The following TRAK1 variants were observed in gnomAD, a reference collection of about 807,000 sequenced individuals.
The protein encoded by TRAK1 is trafficking kinesin-binding protein 1.
In TRAK1, 33 loss-of-function variants were observed where a neutral mutation model predicts 92.1. That is an observed-to-expected ratio of 0.36 (90% confidence interval 0.27 to 0.48). The LOEUF (loss-of-function observed/expected upper bound fraction) is 0.48, where lower values mean the gene tolerates loss of function less well. TRAK1 is among the 20% of genes least tolerant of loss of function. The probability of loss-of-function intolerance (pLI) is 0.99; values close to 1 mark genes in which losing one functional copy is unlikely to be tolerated. For synonymous variants in TRAK1, 521 were observed against 517.3 expected (o/e 1.01, Z -0.10); for missense variants, 1,123 against 1,257.9 (o/e 0.89, Z 1.62).
chr3:42,084,303 A>G (rs1704570279), upstream of TRAK1, among the ~76,000 whole-genome samples: 1 of 152,174 alleles, frequency 6.6e-6, no homozygotes, highest in African/African-American at 2.4e-5. Flanking sequence ...TAGACATACA[A>G]AGAAAGTGTA....
At chr3:42,043,395 C>G (rs1702626802) in intron 1 of TRAK1, among the ~76,000 whole-genome samples, 1 of 151,932 alleles carries the variant, frequency 6.6e-6, no homozygotes, top group African/African-American at 2.4e-5. Context: ...TCCTCCTTGT[C>G]TCTTTGCCTT....
At chr3:42,134,521 C>T (rs2149186291) in intron 2 of TRAK1, among the ~76,000 whole-genome samples, 1 of 150,854 alleles carries the variant, frequency 6.6e-6, no homozygotes, top group Admixed American at 6.6e-5. Context: ...AAGTGATCCA[C>T]CTGCCTTGGC....
intron 2 of TRAK1, among the ~76,000 whole-genome samples, chr3:42,156,996 A>G (rs889725086): frequency 3.3e-5 from 5 of 152,042 alleles, no homozygotes; most frequent in African/African-American, 9.7e-5. Context: ...TTTACTAAAA[A>G]TACAAAATTA....
At chr3:42,174,848 T>C (rs971522287) in intron 2 of TRAK1, among the ~76,000 whole-genome samples, 5 of 151,720 alleles carry the variant, frequency 3.3e-5, no homozygotes, top group African/African-American at 1.2e-4. Context: ...ATAACAGCCA[T>C]TAGCCACCTC....
intron 1 of TRAK1, among the ~76,000 whole-genome samples, chr3:42,034,963 A>G (rs749000658): frequency 3.9e-5 from 6 of 151,948 alleles, no homozygotes; most frequent in African/African-American, 7.3e-5. Flanking sequence ...TCAGTTCTCT[A>G]CCAGTTTTCT....
At chr3:42,028,219 A>G (rs1436411739) in intron 1 of TRAK1, among the ~76,000 whole-genome samples, 1 of 152,240 alleles carries the variant, frequency 6.6e-6, no homozygotes, top group Non-Finnish European at 1.5e-5. Flanking sequence ...ACGTGTTTAC[A>G]TGCTGCTCCC....
intron 1 of TRAK1, among the ~76,000 whole-genome samples, chr3:42,024,246 T>C (rs909788272): frequency 1.3e-5 from 2 of 152,134 alleles, no homozygotes; most frequent in Admixed American, 6.5e-5. Context: ...GGAGGGAGTG[T>C]TCTTTTGGTG....
intron 13 of TRAK1, among the ~76,000 whole-genome samples, chr3:42,208,810 G>C (rs951938093): frequency 6.6e-6 from 1 of 152,246 alleles, no homozygotes; most frequent in African/African-American, 2.4e-5. Flanking sequence ...CTAGCATGGT[G>C]TCATGTGAGG....
At chr3:42,066,637 G>C (rs1199324093) in intron 1 of TRAK1, among the ~76,000 whole-genome samples, 1 of 152,192 alleles carries the variant, frequency 6.6e-6, no homozygotes, top group African/African-American at 2.4e-5. Flanking sequence ...CATGCATGCA[G>C]TTTGTAGCCT....
intron 2 of TRAK1, among the ~76,000 whole-genome samples, chr3:42,153,132 G>A (rs1700130615): frequency 6.6e-6 from 1 of 152,198 alleles, no homozygotes; most frequent in African/African-American, 2.4e-5. Context: ...GCCTGGTATA[G>A]TGTGTCATGC....
chr3:42,032,490 A>AAAAC (rs940550142), intron 1 of TRAK1, among the ~76,000 whole-genome samples: 14 of 151,958 alleles, frequency 9.2e-5, no homozygotes, highest in African/African-American at 3.4e-4. Flanking sequence ...GAAAAAAAAA[A>AAAAC]AAAAAACCAT....
chr3:42,077,558 G>A (rs1034293004), intron 1 of TRAK1, among the ~76,000 whole-genome samples: 10 of 152,176 alleles, frequency 6.6e-5, no homozygotes, highest in Non-Finnish European at 1.5e-4. Flanking sequence ...CGAAGTGTTG[G>A]GATACAGGCG....
At chr3:42,216,264 G>GCCCCT (rs1208813137) in intron 14 of TRAK1, among the ~76,000 whole-genome samples, 3 of 152,160 alleles carry the variant, frequency 2.0e-5, no homozygotes, top group African/African-American at 7.2e-5. Context: ...TCTATATAGT[G>GCCCCT]CAGTCTGAGG....
intron 8 of TRAK1, 108 bp downstream of exon 8, chr3:42,193,313 C>G: frequency 6.9e-7 from 1 of 1,456,022 alleles, no homozygotes; most frequent in South Asian, 1.4e-5. Flanking sequence ...CTTAGCAGTT[C>G]GTGTTGCCGC....
At chr3:42,204,673 T>TTCCTGGGCTCAA (rs1253101277) in intron 13 of TRAK1, among the ~76,000 whole-genome samples, 3 of 152,160 alleles carry the variant, frequency 2.0e-5, no homozygotes, top group Non-Finnish European at 2.9e-5. Flanking sequence ...CATGCCTGAA[T>TTCCTGGGCTCAA]TCCTGGGCTC....
In TRAK1 at chr3:42,091,426, G is replaced by T. The variant is rs746625489; in HGVS notation, c.-44G>T. On this transcript the variant is annotated 5_prime_UTR_variant, in exon 1 of 16. Coordinates refer to ENST00000327628, the MANE Select transcript of TRAK1 (RefSeq NM_001042646.3). The stretch of plus-strand genomic sequence containing the variant: ...CTGCCGGGGCTGAGCTCTCATGGAG[G>T]CTCTCTCTGTTCTCTGAAGTGCCTT... 5 of 1,581,016 alleles carry T rather than the reference G, an allele frequency of 3.2e-6. No individual in the cohort carries two copies. Among genetic ancestry groups the T allele is most frequent in the Non-Finnish European group, 4.3e-6 (5 of 1,153,690 alleles).
chr3:42,192,402 T>TGCATTTCGTCAAAATACTAAGTATTTG (rs2149431246), intron 7 of TRAK1, among the ~76,000 whole-genome samples: 1 of 152,050 alleles, frequency 6.6e-6, no homozygotes, highest in South Asian at 2.1e-4. Flanking sequence ...CTAAGTATAT[T>TGCATTTCGTCAAAATACTAAGTATTTG]GCATTTCGTC....
chr3:42,023,861 C>T lies in TRAK1; in HGVS notation c.-519+9744C>T, dbSNP rs544677436. Among the ~76,000 whole-genome samples, 9 of 141,636 alleles carry T rather than the reference C, an allele frequency of 6.4e-5. No individual in the cohort carries two copies. The East Asian group carries it at 2.1e-3, about 32-fold the overall frequency. 92.9% of individuals were successfully genotyped at this position (141,636 alleles called of 152,430 possible). A position where few individuals can be genotyped will look rare whatever the true frequency, so the allele number is the denominator to read the frequency against. ...CTCCGTCTCCCGGGTTCAAGCAATT[C>T]TCCTGCCTCAGCCTCCCGAGTATCT... On this transcript the variant is annotated intron_variant, in intron 1 of 16. Coordinates refer to the TRAK1 transcript ENST00000487159.
chr3:42,062,405 A>T (rs1703484781), intron 1 of TRAK1, among the ~76,000 whole-genome samples: 1 of 152,196 alleles, frequency 6.6e-6, no homozygotes, highest in Admixed American at 6.5e-5. Context: ...TCACATGTTT[A>T]ATAATTCCAG....
Sources: allele counts gnomAD v4.1 joint callset (sites outside exome capture counted in the v4.1 genomes callset), GRCh38; gene constraint gnomAD v4.1.1; transcripts MANE v1.5; gene names NCBI Gene and HGNC (gene_info 2026-07-23, HGNC 2026-07-21).